Variants in PCDH15 observed in about 807,000 individuals in gnomAD.
PCDH15 encodes the protein protocadherin-15.
A neutral mutation model predicts 178.5 loss-of-function variants in PCDH15; 129 were observed. The ratio of observed to expected loss-of-function variants is 0.72; its 90% CI spans 0.63 to 0.84. The LOEUF is 0.84. Among genes scored for constraint, PCDH15 ranks in the 40% least tolerant of loss-of-function variants. The pLI, the probability that PCDH15 is intolerant of heterozygous loss-of-function variation, is 0.00. For synonymous variants in PCDH15, 800 were observed against 732.0 expected (o/e 1.09, Z -1.50); for missense variants, 2,230 against 2,099.9 (o/e 1.06, Z -1.21).
chr10:53,918,928 G>C (rs550001875), intron 25 of PCDH15, among the ~76,000 whole-genome samples: 4 of 152,248 alleles, frequency 2.6e-5, no homozygotes, highest in African/African-American at 7.2e-5. Context: ...AGCCTCTAGG[G>C]CTGTATCTGT....
intron 2 of PCDH15, among the ~76,000 whole-genome samples, chr10:54,929,174 C>G (rs1401354073): frequency 6.6e-6 from 1 of 152,118 alleles, no homozygotes; most frequent in Non-Finnish European, 1.5e-5. Context: ...GGCTTTCTTT[C>G]TGGATGATTT....
At position 54,132,562 on chromosome 10, in the gene PCDH15, T is replaced by C. The variant is rs543769411; in HGVS notation, c.1917+313A>G. On this transcript the variant is annotated intron_variant, in intron 15 of 37. Transcript: ENST00000644397. ...CAGAAAATAATAGTCAGCTGCAGAC[T>C]CTTTGGATCCAAAGTATAAAATATT... is the stretch of plus-strand genomic sequence containing the variant. 3.9e-5 allele frequency among the ~76,000 whole-genome samples: 6 copies of C among 152,302 alleles called. No homozygotes were observed. The South Asian group carries it at 1.2e-3, about 32-fold the overall frequency.
chr10:53,999,647 G>A lies in PCDH15; in HGVS notation c.2752-3882C>T, dbSNP rs554967271. Reference sequence around the variant, plus strand: ...GGCACAGGGTAAGGCTCCTCTGCTTGTGGAGAAGGACTGTTTCTCATAGGT... The same window carrying A: ...GGCACAGGGTAAGGCTCCTCTGCTTATGGAGAAGGACTGTTTCTCATAGGT... On this transcript the variant is annotated intron_variant, in intron 20 of 37. Coordinates refer to ENST00000644397, the MANE Select transcript of PCDH15 (RefSeq NM_001384140.1). Among the ~76,000 whole-genome samples, 5 of 152,238 alleles carry A rather than the reference G, an allele frequency of 3.3e-5. No individual in the cohort carries two copies. The East Asian group carries it at 5.8e-4, about 18-fold the overall frequency.
intron 2 of PCDH15, among the ~76,000 whole-genome samples, chr10:55,143,495 A>G (rs574895054): frequency 6.6e-6 from 1 of 152,266 alleles, no homozygotes; most frequent in South Asian, 2.1e-4. Flanking sequence ...TCAATACTTT[A>G]GATTAACTTT....
intron 1 of PCDH15, among the ~76,000 whole-genome samples, chr10:54,794,510 C>A (rs1393542948): frequency 6.6e-6 from 1 of 151,686 alleles, no homozygotes; most frequent in Non-Finnish European, 1.5e-5. Context: ...ATTAGCACAC[C>A]AATGCAACTA....
chr10:55,286,726 C>A (rs1484723424), intron 1 of PCDH15, among the ~76,000 whole-genome samples: 1 of 151,856 alleles, frequency 6.6e-6, no homozygotes, highest in Non-Finnish European at 1.5e-5. Context: ...TCAGTTATAG[C>A]CTTTGCCTAT....
At chr10:55,389,360 T>C (rs1413168428) in intron 2 of PCDH15, among the ~76,000 whole-genome samples, 3 of 151,966 alleles carry the variant, frequency 2.0e-5, no homozygotes, top group Admixed American at 2.0e-4. Context: ...AAGAGATAAT[T>C]CAGCCTCAAA....
At chr10:54,492,117 C>T (rs934018092) in intron 3 of PCDH15, among the ~76,000 whole-genome samples, 1 of 152,100 alleles carries the variant, frequency 6.6e-6, no homozygotes, top group African/African-American at 2.4e-5. Context: ...TTAAGTGTAG[C>T]GTAAGAATTC....
intron 2 of PCDH15, among the ~76,000 whole-genome samples, chr10:55,081,378 A>G (rs1842038710): frequency 6.6e-6 from 1 of 152,130 alleles, no homozygotes; most frequent in Non-Finnish European, 1.5e-5. Flanking sequence ...CTCATTTATG[A>G]AGGCTCCACT....
chr10:55,567,889 T>C (rs1842334348), intron 2 of PCDH15, among the ~76,000 whole-genome samples: 1 of 151,464 alleles, frequency 6.6e-6, no homozygotes, highest in East Asian at 1.9e-4. Context: ...CCATTTAGGA[T>C]GGAAGCTATC....
chr10:55,331,879 A>C (rs116207859), intron 2 of PCDH15, among the ~76,000 whole-genome samples: 1,642 of 152,262 alleles, frequency 0.011, 35 homozygotes, highest in African/African-American at 0.037. Flanking sequence ...AAAATCTATT[A>C]ACTGAATATG....
chr10:54,686,758 T>G (rs1232911119), intron 1 of PCDH15, among the ~76,000 whole-genome samples: 1 of 152,176 alleles, frequency 6.6e-6, no homozygotes, highest in Non-Finnish European at 1.5e-5. Context: ...GTATTCTATA[T>G]GTCTGTTGTA....
chr10:55,220,806 C>G (rs751884960), intron 1 of PCDH15, among the ~76,000 whole-genome samples: 2 of 151,762 alleles, frequency 1.3e-5, no homozygotes, highest in African/African-American at 2.4e-5. Flanking sequence ...ATATTTGACA[C>G]TTTGTTGTTG....
intron 2 of PCDH15, among the ~76,000 whole-genome samples, chr10:55,574,705 A>G (rs565182979): frequency 2.6e-5 from 4 of 152,192 alleles, no homozygotes; most frequent in East Asian, 3.9e-4. Context: ...ATATGGTGAT[A>G]GTATTTTTGA....
chr10:55,061,335 A>G (rs1336388648), intron 2 of PCDH15, among the ~76,000 whole-genome samples: 1 of 152,214 alleles, frequency 6.6e-6, no homozygotes, highest in East Asian at 1.9e-4. Flanking sequence ...CACAAAGGAA[A>G]TGCAAATTAG....
intron 32 of PCDH15, chr10:53,825,261 T>A: frequency 8.4e-7 from 1 of 1,185,960 alleles, no homozygotes; most frequent in Admixed American, 3.6e-5. Flanking sequence ...AAACACTTAG[T>A]ACGTATATCA....
At chr10:54,515,332 G>T (rs181536559) in intron 3 of PCDH15, among the ~76,000 whole-genome samples, 1 of 152,204 alleles carries the variant, frequency 6.6e-6, no homozygotes. Context: ...ATTATATCCC[G>T]CACATGGCTC....
At chr10:55,054,534 T>C (rs1042219315) in intron 2 of PCDH15, among the ~76,000 whole-genome samples, 2 of 152,216 alleles carry the variant, frequency 1.3e-5, no homozygotes, top group African/African-American at 4.8e-5. Flanking sequence ...TTTCTTTGGA[T>C]ATATACCCAG....
At chr10:54,106,436 CAG>C (rs1211312322) in intron 15 of PCDH15, among the ~76,000 whole-genome samples, 1 of 152,154 alleles carries the variant, frequency 6.6e-6, no homozygotes, top group East Asian at 1.9e-4. Flanking sequence ...GAGAGAAACA[CAG>C]AAAGTGTCAG....
Sources: gnomAD v4.1 joint callset for allele counts (sites outside exome capture counted in the v4.1 genomes callset) on GRCh38, gnomAD v4.1.1 for gene constraint, MANE v1.5 for transcripts, NCBI Gene and HGNC (gene_info 2026-07-23, HGNC 2026-07-21) for gene names.